Variants in KCNT2 observed in about 807,000 individuals in gnomAD.
KCNT2 encodes the protein potassium channel subfamily T member 2.
In KCNT2, 67 loss-of-function variants were observed where a neutral mutation model predicts 153.8. The ratio of observed to expected loss-of-function variants is 0.44; its 90% CI spans 0.36 to 0.53. The LOEUF is 0.53. KCNT2 is among the 20% of genes least tolerant of loss of function. KCNT2 has a pLI of 0.00. For missense variants in KCNT2, 975 were observed against 1,354.8 expected (o/e 0.72, Z 4.40); for synonymous variants, 500 against 458.8 (o/e 1.09, Z -1.15).
At chr1:196,477,668 T>TA (rs1323526063) in intron 5 of KCNT2, among the ~76,000 whole-genome samples, 1 of 152,144 alleles carries the variant, frequency 6.6e-6, no homozygotes, top group Non-Finnish European at 1.5e-5. Context: ...GTACACTTGA[T>TA]AGAGTAGATG....
intron 13 of KCNT2, among the ~76,000 whole-genome samples, chr1:196,395,381 G>A (rs1670847738): frequency 6.6e-6 from 1 of 151,482 alleles, no homozygotes; most frequent in Admixed American, 6.6e-5. Context: ...AACATTATGG[G>A]AGAGCCCAGT....
intron 1 of KCNT2, among the ~76,000 whole-genome samples, chr1:196,495,012 G>C (rs1379159367): frequency 6.6e-6 from 1 of 151,966 alleles, no homozygotes; most frequent in African/African-American, 2.4e-5. Flanking sequence ...ATTTTGCATG[G>C]TGTGAAGTCT....
At chr1:196,580,801 A>C (rs972519705) in intron 1 of KCNT2, among the ~76,000 whole-genome samples, 16 of 152,268 alleles carry the variant, frequency 1.1e-4, no homozygotes, top group Non-Finnish European at 1.9e-4. Context: ...GAAACTGACT[A>C]TAGAGAATAA....
intron 3 of KCNT2, among the ~76,000 whole-genome samples, chr1:196,484,410 T>C (rs1371080465): frequency 1.3e-5 from 2 of 152,090 alleles, no homozygotes; most frequent in Non-Finnish European, 2.9e-5. Flanking sequence ...TCCTTGTAAA[T>C]TATGGATATT....
Position 196,284,270 on chromosome 1 carries a change from T to A in KCNT2, c.2697+1387A>T, listed in dbSNP as rs1470315322. Among the ~76,000 whole-genome samples, 9 of 76,434 alleles carry A rather than the reference T, an allele frequency of 1.2e-4. 2 individuals are homozygous for A. The highest frequency in any genetic ancestry group is 7.9e-3 in the Middle Eastern group (1 of 126). 50.1% of individuals were successfully genotyped at this position (76,434 alleles called of 152,430 possible). A position where few individuals can be genotyped will look rare whatever the true frequency, so the allele number is the denominator to read the frequency against. Reference sequence around the variant, plus strand: ...AAAAATATATATATATATATATATATATATATATAGTTCTAGTTCACTCTT... The same window carrying A: ...AAAAATATATATATATATATATATAAATATATATAGTTCTAGTTCACTCTT... On this transcript the variant is annotated intron_variant, in intron 23 of 27. Transcript: ENST00000294725.
At chr1:196,409,166 T>C (rs1672082415) in intron 12 of KCNT2, among the ~76,000 whole-genome samples, 1 of 151,358 alleles carries the variant, frequency 6.6e-6, no homozygotes, top group Admixed American at 6.6e-5. Flanking sequence ...CTTTGCTTCA[T>C]ATAGCCACTT....
At chr1:196,557,033 C>CA (rs1367083255) in intron 1 of KCNT2, among the ~76,000 whole-genome samples, 2 of 150,738 alleles carry the variant, frequency 1.3e-5, no homozygotes, top group African/African-American at 4.9e-5. Context: ...TTAATAAATA[C>CA]AAAAAATATA....
chr1:196,413,235 G>A (rs1572365317), intron 12 of KCNT2, among the ~76,000 whole-genome samples: 1 of 151,504 alleles, frequency 6.6e-6, no homozygotes, highest in East Asian at 1.9e-4. Context: ...CAGAGGTTTG[G>A]GATTTGGACT....
chr1:196,367,622 G>A (rs1464747481), intron 14 of KCNT2, among the ~76,000 whole-genome samples: 1 of 152,104 alleles, frequency 6.6e-6, no homozygotes. Context: ...AAATATGAAA[G>A]CATAGTTTCT....
intron 13 of KCNT2, among the ~76,000 whole-genome samples, chr1:196,376,517 A>G (rs1257122498): frequency 6.6e-6 from 1 of 151,572 alleles, no homozygotes. Flanking sequence ...TTCATGTTGC[A>G]GAGATTCCTG....
At chr1:196,479,905 C>T (rs1173915377) in intron 4 of KCNT2, among the ~76,000 whole-genome samples, 1 of 152,186 alleles carries the variant, frequency 6.6e-6, no homozygotes, top group Non-Finnish European at 1.5e-5. Flanking sequence ...AAAAAGGCTA[C>T]ATCTTTGAGT....
intron 1 of KCNT2, among the ~76,000 whole-genome samples, chr1:196,543,136 G>A (rs1212006130): frequency 6.6e-6 from 1 of 152,090 alleles, no homozygotes; most frequent in African/African-American, 2.4e-5. Flanking sequence ...AAGCTATTGA[G>A]CTATAATTCT....
intron 8 of KCNT2, among the ~76,000 whole-genome samples, chr1:196,448,675 T>C (rs987128839): frequency 2.6e-5 from 4 of 151,744 alleles, no homozygotes; most frequent in Non-Finnish European, 4.4e-5. Flanking sequence ...AATCCTATTG[T>C]TGAAGTTTAT....
At chr1:196,255,267 C>T (rs1656372296) in intron 26 of KCNT2, among the ~76,000 whole-genome samples, 1 of 151,748 alleles carries the variant, frequency 6.6e-6, no homozygotes, top group Non-Finnish European at 1.5e-5. Context: ...ATAACTAACA[C>T]ATCATACCCC....
intron 8 of KCNT2, among the ~76,000 whole-genome samples, chr1:196,455,036 T>C (rs946422931): frequency 6.6e-6 from 1 of 152,036 alleles, no homozygotes; most frequent in African/African-American, 2.4e-5. Context: ...TAGTGGACTC[T>C]TGCATTCCCT....
At chr1:196,561,464 C>T (rs1458960078) in intron 1 of KCNT2, among the ~76,000 whole-genome samples, 5 of 150,194 alleles carry the variant, frequency 3.3e-5, no homozygotes, top group Non-Finnish European at 5.9e-5. Context: ...TCTGGTGGTG[C>T]GTTGGATATC....
intron 1 of KCNT2, among the ~76,000 whole-genome samples, chr1:196,511,936 G>C (rs1681668092): frequency 6.6e-6 from 1 of 152,070 alleles, no homozygotes; most frequent in African/African-American, 2.4e-5. Flanking sequence ...CACCATTCAG[G>C]ATACAACACT....
intron 7 of KCNT2, among the ~76,000 whole-genome samples, chr1:196,467,197 TG>T (rs998273570): frequency 4.1e-4 from 63 of 152,196 alleles, no homozygotes; most frequent in Admixed American, 6.6e-4. Context: ...GAAGGATATT[TG>T]TACTCTGAAG....
chr1:196,585,890 G>A (rs12034150), intron 1 of KCNT2, among the ~76,000 whole-genome samples: 72,808 of 151,814 alleles, frequency 0.48, 19,849 homozygotes, highest in Middle Eastern at 0.73. Flanking sequence ...TTTTATAGAG[G>A]CAATAAACAT....
Sources: gnomAD v4.1 joint callset for allele counts (sites outside exome capture counted in the v4.1 genomes callset) on GRCh38, gnomAD v4.1.1 for gene constraint, MANE v1.5 for transcripts, NCBI Gene and HGNC (gene_info 2026-07-23, HGNC 2026-07-21) for gene names.